The following COL21A1 variants were observed in gnomAD, a reference collection of about 807,000 sequenced individuals.
COL21A1 encodes collagen alpha-1(XXI) chain.
Under a neutral mutation model 137.9 loss-of-function variants are expected in COL21A1, and 149 were observed. The ratio of observed to expected loss-of-function variants is 1.08; its 90% CI spans 0.95 to 1.24. The LOEUF (loss-of-function observed/expected upper bound fraction) is 1.24. Ranked by LOEUF, COL21A1 falls within the 50% of genes most tolerant of loss-of-function variation. COL21A1 has a pLI of 0.00. For synonymous variants in COL21A1, 456 were observed against 391.5 expected, an observed-to-expected ratio of 1.16 and a Z score of -1.95; for missense variants, 1,167 against 1,158.4, an observed-to-expected ratio of 1.01 and a Z score of -0.11.
chr6:56,211,644 G>A (rs1429555891), intron 1 of COL21A1, among the ~76,000 whole-genome samples: 3 of 152,036 alleles, frequency 2.0e-5, no homozygotes, highest in South Asian at 4.1e-4. Flanking sequence ...CCAAACTGGG[G>A]GAGAGAGGAA....
chr6:56,335,265 G>T (rs1019066986), intron 1 of COL21A1, among the ~76,000 whole-genome samples: 5 of 152,026 alleles, frequency 3.3e-5, no homozygotes, highest in Non-Finnish European at 5.9e-5. Flanking sequence ...CAATGGCCAG[G>T]CTAGATATAA....
chr6:56,331,778 C>T (rs1029298156), intron 1 of COL21A1: 1 of 142,192 alleles, frequency 7.0e-6, no homozygotes, highest in African/African-American at 2.5e-5. Flanking sequence ...TTTTGGTTCC[C>T]AAAATGTGAA....
chr6:56,292,064 G>A (rs1764059021), intron 1 of COL21A1, among the ~76,000 whole-genome samples: 1 of 152,104 alleles, frequency 6.6e-6, no homozygotes, highest in African/African-American at 2.4e-5. Flanking sequence ...AGCTACTCGG[G>A]AGGCTGAGGC....
intron 1 of COL21A1, among the ~76,000 whole-genome samples, chr6:56,374,772 G>A (rs975787935): frequency 1.3e-5 from 2 of 150,522 alleles, no homozygotes; most frequent in Non-Finnish European, 3.0e-5. Context: ...TCCAAACCTT[G>A]GAATGTTTGT....
In COL21A1 at chr6:56,311,710, G is replaced by A. The variant is rs115994081; in HGVS notation, c.-39+82261C>T. ...GGCTTTAACTTTAAATACTTGCCCT[G>A]GAAACACTTCTTGGGACCCATTAGG... On this transcript the variant is annotated intron_variant, in intron 1 of 28. Coordinates refer to the COL21A1 transcript ENST00000370819. Among the ~76,000 whole-genome samples the A allele has an allele frequency of 8.4e-3, 1,275 of 152,280 alleles. 15 individuals are homozygous for A. The highest frequency in any genetic ancestry group is 0.017 in the Middle Eastern group (5 of 294).
At chr6:56,125,494 T>C in intron 14 of COL21A1, 73 bp downstream of exon 14, 1 of 1,045,918 alleles carries the variant, frequency 9.6e-7, no homozygotes, top group Non-Finnish European at 1.4e-6. Flanking sequence ...GGGTTAGAAC[T>C]GCAATTCTAG....
At chr6:56,199,061 A>G (rs572554409) in intron 1 of COL21A1, among the ~76,000 whole-genome samples, 1 of 152,176 alleles carries the variant, frequency 6.6e-6, no homozygotes, top group African/African-American at 2.4e-5. Flanking sequence ...GAGAAATGCT[A>G]CCACAGAGAC....
chr6:56,165,277 A>G (rs898608836), intron 7 of COL21A1, among the ~76,000 whole-genome samples: 2 of 152,216 alleles, frequency 1.3e-5, no homozygotes, highest in African/African-American at 4.8e-5. Context: ...TAAATAACAT[A>G]CAATTTTAAA....
intron 1 of COL21A1, among the ~76,000 whole-genome samples, chr6:56,284,445 GT>G (rs531754681): frequency 7.9e-5 from 12 of 152,198 alleles, no homozygotes; most frequent in African/African-American, 2.6e-4. Context: ...TGTTGTAGTT[GT>G]TTTTTTCTGT....
chr6:56,342,707 T>C (rs1419281405), intron 1 of COL21A1, among the ~76,000 whole-genome samples: 2 of 152,202 alleles, frequency 1.3e-5, no homozygotes, highest in Non-Finnish European at 2.9e-5. Flanking sequence ...AAAATTAATC[T>C]TGTTATCTCC....
chr6:56,244,157 C>T (rs897475286), intron 1 of COL21A1, among the ~76,000 whole-genome samples: 10 of 152,088 alleles, frequency 6.6e-5, no homozygotes, highest in Non-Finnish European at 1.3e-4. Flanking sequence ...CTAAGTGAGC[C>T]AGGTTATGTA....
At chr6:56,228,198 G>A (rs4715594) in intron 1 of COL21A1, among the ~76,000 whole-genome samples, 1 of 151,604 alleles carries the variant, frequency 6.6e-6, no homozygotes, top group African/African-American at 2.4e-5. Context: ...TTAGCAGAGA[G>A]AAACATATTC....
intron 1 of COL21A1, among the ~76,000 whole-genome samples, chr6:56,365,147 A>G (rs1435813379): frequency 1.3e-5 from 2 of 152,164 alleles, no homozygotes; most frequent in Non-Finnish European, 2.9e-5. Flanking sequence ...GAATAAAAAC[A>G]ATTACAGCTC....
intron 1 of COL21A1, among the ~76,000 whole-genome samples, chr6:56,303,209 G>A (rs1051031021): frequency 6.6e-6 from 1 of 152,212 alleles, no homozygotes; most frequent in African/African-American, 2.4e-5. Context: ...ACTTGGCAAT[G>A]TGGGCTCTTT....
chr6:56,359,162 G>T (rs1181292900), intron 1 of COL21A1, among the ~76,000 whole-genome samples: 1 of 152,082 alleles, frequency 6.6e-6, no homozygotes, highest in African/African-American at 2.4e-5. Context: ...CTCTGTGGAA[G>T]AATTTTTCTG....
chr6:56,392,701 G>A (rs189739002), intron 1 of COL21A1, among the ~76,000 whole-genome samples: 4 of 152,152 alleles, frequency 2.6e-5, no homozygotes, highest in Non-Finnish European at 5.9e-5. Context: ...TCTAAAAACA[G>A]TGAATAATCT....
rs773660379 is a variant in COL21A1 at position 56,077,519 on chromosome 6, G to A, written c.1857+10C>T. ...ATCCAGGCCCAAAGCTAACTCTCAT[G>A]AATACTTACCTTTTGGCCCATTAAT... On this transcript the variant is annotated intron_variant, in intron 18 of 29. Transcript: ENST00000244728. 2 of 1,565,318 alleles carry A rather than the reference G, an allele frequency of 1.3e-6. No individual in the cohort carries two copies. Among genetic ancestry groups the A allele is most frequent in the East Asian group, 4.7e-5 (2 of 42,798 alleles).
In COL21A1 at chr6:56,057,794, C is replaced by T; in HGVS notation, c.2737G>A (p.Gly913Ser). 1 of 1,599,468 alleles carries T rather than the reference C, an allele frequency of 6.3e-7. No individual in the cohort carries two copies. Among genetic ancestry groups the T allele is most frequent in the Non-Finnish European group, 8.5e-7 (1 of 1,173,440 alleles). The change falls in exon 30 of 30, where the codon GGT (glycine) becomes AGT (serine). Residue 913 changes from glycine (G) to serine (S), a missense_variant. Physicochemically the swap from Gly to Ser is moderately conservative, Grantham distance 56. Coordinates refer to ENST00000244728, the MANE Select transcript of COL21A1 (RefSeq NM_030820.4). ...TGGTCTCCATCTTTGCCAGGGAGAC[C>T]TGGGTCTCCTGGAGGACCTTCTTTG... The part of the protein sequence containing the change: ...ISKEGPPGDP[G>S]LPGKDGDHGK...
At chr6:56,099,224 A>ATTTT (rs765498868) in intron 17 of COL21A1, among the ~76,000 whole-genome samples, 1 of 111,994 alleles carries the variant, frequency 8.9e-6, no homozygotes, top group Non-Finnish European at 1.8e-5. Context: ...CACAAACTAA[A>ATTTT]TTTTTTTTTT....
Sources: gnomAD v4.1 joint callset for allele counts (sites outside exome capture counted in the v4.1 genomes callset) on GRCh38, gnomAD v4.1.1 for gene constraint, MANE v1.5 for transcripts, NCBI Gene and HGNC (gene_info 2026-07-23, HGNC 2026-07-21) for gene names.